Variants in KIF26B observed in about 807,000 individuals in gnomAD.
The protein encoded by KIF26B is kinesin family member 26B, also known as kinesin-like protein KIF26B.
KIF26B carries 63 observed loss-of-function variants against 151.2 expected under a neutral mutation model. The ratio of observed to expected loss-of-function variants is 0.42; its 90% CI spans 0.34 to 0.51. KIF26B has a LOEUF of 0.51. Ranked by LOEUF, KIF26B falls within the 20% of genes least tolerant of loss-of-function variation. The pLI is 0.07. For missense variants in KIF26B, 2,813 were observed against 2,913.6 expected (o/e 0.97, Z 0.79); for synonymous variants, 1,357 against 1,262.1 (o/e 1.08, Z -1.59).
rs1156912472 is a variant in KIF26B at position 245,227,384 on chromosome 1, T to C, written c.465+70701T>C. ...GTTGATGGGGTAAGCCAGTGTAACA[T>C]GGAAACCCACTGGCACCTCTGCATC... On this transcript the variant is annotated intron_variant, in intron 2 of 14. Transcript: ENST00000407071. This position sits in a 1 kb window ranked among gnomAD's most constrained non-coding sequence, Gnocchi z 4.1. Among the ~76,000 whole-genome samples the C allele has an allele frequency of 6.6e-6, 1 of 152,224 alleles. No homozygotes were observed. The highest frequency in any genetic ancestry group is 1.9e-4 in the East Asian group (1 of 5,190).
chr1:245,685,239 G>A (rs532766140), intron 11 of KIF26B, among the ~76,000 whole-genome samples, 166 bp from the exon 12 acceptor site: 4 of 152,212 alleles, frequency 2.6e-5, no homozygotes, highest in Non-Finnish European at 4.4e-5. Flanking sequence ...ATGTGACACC[G>A]GGCGCGCGGG....
chr1:245,312,908 TC>T (rs1305979605), intron 2 of KIF26B, among the ~76,000 whole-genome samples: 1 of 152,120 alleles, frequency 6.6e-6, no homozygotes, highest in Non-Finnish European at 1.5e-5. Flanking sequence ...AGGACTGTAA[TC>T]CCAGCACTTT....
At chr1:245,547,850 A>G (rs1620973) in intron 5 of KIF26B, among the ~76,000 whole-genome samples, 55,384 of 152,018 alleles carry the variant, frequency 0.36, 10,305 homozygotes, top group Middle Eastern at 0.4. Flanking sequence ...AAGGACCCAC[A>G]GTGAGCAGGG....
intron 2 of KIF26B, among the ~76,000 whole-genome samples, chr1:245,344,540 T>C (rs1277744099): frequency 3.5e-5 from 5 of 144,694 alleles, no homozygotes; most frequent in African/African-American, 1.3e-4. Flanking sequence ...ATCCTGTACA[T>C]GAATGTGGAT....
At chr1:245,631,657 T>A (rs1260969813) in intron 9 of KIF26B, among the ~76,000 whole-genome samples, 2 of 152,236 alleles carry the variant, frequency 1.3e-5, no homozygotes, top group Non-Finnish European at 2.9e-5. Context: ...TGGAATAGTT[T>A]GAGAAGAATT....
chr1:245,369,815 G>A (rs1224985360), intron 3 of KIF26B, among the ~76,000 whole-genome samples: 8 of 152,278 alleles, frequency 5.3e-5, no homozygotes, highest in East Asian at 3.9e-4. Context: ...AAAAGAACTC[G>A]TTTTACCTGC....
chr1:245,584,149 C>G (rs2103131310), intron 5 of KIF26B, among the ~76,000 whole-genome samples: 1 of 152,224 alleles, frequency 6.6e-6, no homozygotes, highest in Middle Eastern at 3.4e-3. Flanking sequence ...CTCCCAAGAT[C>G]CGGTCATTTA....
intron 4 of KIF26B, among the ~76,000 whole-genome samples, chr1:245,496,760 T>C (rs1272885085): frequency 6.6e-6 from 1 of 152,228 alleles, no homozygotes; most frequent in Non-Finnish European, 1.5e-5. Flanking sequence ...TGTTAGACTG[T>C]ATTTTAAAGA....
At chr1:245,389,352 A>T (rs1673629925) in intron 3 of KIF26B, among the ~76,000 whole-genome samples, 1 of 151,458 alleles carries the variant, frequency 6.6e-6, no homozygotes, top group Admixed American at 6.6e-5. Context: ...ACCTCAGGTG[A>T]TCCGCCCACC....
chr1:245,351,905 G>T (rs913403299), intron 2 of KIF26B, among the ~76,000 whole-genome samples: 1 of 152,164 alleles, frequency 6.6e-6, no homozygotes, highest in African/African-American at 2.4e-5. Flanking sequence ...CACTTAATAA[G>T]TGTTTTATAA....
intron 2 of KIF26B, among the ~76,000 whole-genome samples, chr1:245,177,793 T>C (rs932202664): frequency 6.6e-6 from 1 of 151,992 alleles, no homozygotes; most frequent in Non-Finnish European, 1.5e-5. Context: ...AGGAGAAAAA[T>C]GCTCTCCTGA....
At position 245,698,216 on chromosome 1, in the gene KIF26B, A is replaced by G. The variant is rs553321427; in HGVS notation, c.5935A>G (p.Ser1979Gly). 24 of 1,614,024 alleles carry G rather than the reference A, an allele frequency of 1.5e-5. No homozygotes were observed. In the East Asian group the frequency reaches 2.7e-4, roughly 18 times the overall value. The change falls in exon 13 of 15, where the codon AGC (serine) becomes GGC (glycine). Residue 1979 changes from serine to glycine, a missense_variant. Physicochemically the swap from Ser to Gly is moderately conservative, Grantham distance 56. Around this residue, in one of 3 missense-constraint regions of KIF26B, gnomAD observed 2,060 missense variants for 2,088.6 expected, o/e 0.99. Coordinates refer to ENST00000407071, the MANE Select transcript of KIF26B (RefSeq NM_018012.4). The surrounding 1 kb of genome is among the most constrained non-coding windows in gnomAD (Gnocchi z 4.0). ...CTGGGTGGATGGCCCCTTGCGGAGC[A>G]GCCCGAGGGGCCTTGGGGAACCCTT... is the stretch of plus-strand genomic sequence containing the variant. The part of the protein sequence containing the change: ...VRWVDGPLRS[S>G]PRGLGEPFEI...
At chr1:245,219,251 G>A (rs985693370) in intron 2 of KIF26B, among the ~76,000 whole-genome samples, 14 of 140,466 alleles carry the variant, frequency 1.0e-4, no homozygotes, top group East Asian at 2.2e-4. Context: ...CCATTCTCTC[G>A]CCTCAGCCTC....
intron 3 of KIF26B, among the ~76,000 whole-genome samples, chr1:245,388,992 G>T (rs1292036346): frequency 6.6e-6 from 1 of 152,214 alleles, no homozygotes; most frequent in Non-Finnish European, 1.5e-5. Context: ...AGCTTATCCA[G>T]AGAAAGAATG....
chr1:245,472,939 G>A (rs1659947111), intron 4 of KIF26B, among the ~76,000 whole-genome samples: 1 of 152,246 alleles, frequency 6.6e-6, no homozygotes, highest in Admixed American at 6.5e-5. Context: ...AGGTAGGTGT[G>A]CAAGAATTGT....
chr1:245,294,943 G>A (rs974207843), intron 2 of KIF26B, among the ~76,000 whole-genome samples: 4 of 152,160 alleles, frequency 2.6e-5, no homozygotes, highest in Admixed American at 6.5e-5. Flanking sequence ...GATTACAGGC[G>A]TGAGCCACTG....
At chr1:245,584,719 TAAAAGCAATGA>T (rs1255165155) in intron 5 of KIF26B, among the ~76,000 whole-genome samples, 1 of 152,174 alleles carries the variant, frequency 6.6e-6, no homozygotes, top group Admixed American at 6.5e-5. Context: ...ACGATAGTAA[TAAAAGCAATGA>T]GAGAAAAAAG....
chr1:245,278,400 C>T (rs1232254023), intron 2 of KIF26B, among the ~76,000 whole-genome samples: 1 of 152,170 alleles, frequency 6.6e-6, no homozygotes, highest in African/African-American at 2.4e-5. Context: ...TTTTACATCA[C>T]TTGCCATTTT....
At chr1:245,240,183 C>T (rs758990424) in intron 2 of KIF26B, among the ~76,000 whole-genome samples, 24 of 152,060 alleles carry the variant, frequency 1.6e-4, no homozygotes, top group South Asian at 4.2e-4. Context: ...AGAGTCATTT[C>T]CCGTGAAAAC....
Sources: gnomAD v4.1 joint callset for allele counts (sites outside exome capture counted in the v4.1 genomes callset) on GRCh38, gnomAD v4.1.1 for gene constraint, gnomAD v4.1.1 regional missense constraint, Gnocchi (gnomAD v3.1) non-coding constraint, MANE v1.5 for transcripts, NCBI Gene and HGNC (gene_info 2026-07-23, HGNC 2026-07-21) for gene names.